HPSE2: variants seen among roughly 807,000 people sequenced by gnomAD.
The protein encoded by HPSE2 is heparanase 2 (inactive), also known as inactive heparanase-2.
A neutral mutation model predicts 60.5 loss-of-function variants in HPSE2; 38 were observed. The observed-to-expected ratio is 0.63, with a 90% CI of 0.48 to 0.82. The LOEUF (loss-of-function observed/expected upper bound fraction) is 0.82. Among genes scored for constraint, HPSE2 ranks in the 40% least tolerant of loss-of-function variants. HPSE2 has a pLI of 0.00. For synonymous variants in HPSE2, 295 were observed against 293.2 expected, an observed-to-expected ratio of 1.01 and a Z score of -0.06; for missense variants, 713 against 740.4, an observed-to-expected ratio of 0.96 and a Z score of 0.43.
intron 3 of HPSE2, among the ~76,000 whole-genome samples, chr10:99,022,185 T>C (rs981856786): frequency 9.9e-5 from 15 of 151,636 alleles, no homozygotes; most frequent in African/African-American, 2.7e-4. Context: ...CTCTGGGCAC[T>C]AGGGGAGGAA....
At chr10:98,599,998 C>T (rs1435706729) in intron 9 of HPSE2, among the ~76,000 whole-genome samples, 1 of 152,134 alleles carries the variant, frequency 6.6e-6, no homozygotes, top group Non-Finnish European at 1.5e-5. Context: ...GGAATCTGAG[C>T]CGCTAACTAA....
chr10:99,280,601 A>C, the HPSE2 span, among the ~76,000 whole-genome samples: 1 of 152,186 alleles, frequency 6.6e-6, no homozygotes, highest in African/African-American at 2.4e-5. Context: ...CACAGTTTGA[A>C]GTATAAAAGC....
At chr10:98,878,564 T>G (rs1411669897) in intron 3 of HPSE2, among the ~76,000 whole-genome samples, 1 of 151,944 alleles carries the variant, frequency 6.6e-6, no homozygotes, top group Admixed American at 6.6e-5. Flanking sequence ...GAGATCCTAG[T>G]GTATCCTAGT....
intron 2 of HPSE2, among the ~76,000 whole-genome samples, chr10:99,147,548 A>G (rs1846101180): frequency 6.6e-6 from 1 of 152,192 alleles, no homozygotes; most frequent in South Asian, 2.1e-4. Flanking sequence ...TGATATCCTC[A>G]ACATCATTCC....
chr10:99,221,634 G>A (rs765939700), intron 2 of HPSE2, among the ~76,000 whole-genome samples: 2 of 152,184 alleles, frequency 1.3e-5, no homozygotes, highest in Non-Finnish European at 2.9e-5. Flanking sequence ...CTTGAGCAGG[G>A]CTTTGAAAAG....
intron 3 of HPSE2, among the ~76,000 whole-genome samples, chr10:98,841,275 A>G (rs1447775141): frequency 1.3e-5 from 2 of 152,128 alleles, no homozygotes; most frequent in East Asian, 1.9e-4. Flanking sequence ...AAAAACAACT[A>G]TAATACTTAC....
intron 3 of HPSE2, among the ~76,000 whole-genome samples, chr10:99,139,193 C>T (rs1367063485): frequency 6.6e-6 from 1 of 152,004 alleles, no homozygotes; most frequent in African/African-American, 2.4e-5. Context: ...AATGGAAAAC[C>T]AAATAATGTA....
chr10:98,668,245 A>C (rs968856444), intron 6 of HPSE2, among the ~76,000 whole-genome samples: 4 of 152,160 alleles, frequency 2.6e-5, no homozygotes, highest in Admixed American at 1.3e-4. Flanking sequence ...ATTACAAAAT[A>C]CTGCTGAAAG....
chr10:98,483,282 T>A (rs1016213160), intron 10 of HPSE2, among the ~76,000 whole-genome samples: 1 of 152,222 alleles, frequency 6.6e-6, no homozygotes, highest in African/African-American at 2.4e-5. Context: ...TCACAGAGAT[T>A]TTTTTCCATT....
intron 4 of HPSE2, among the ~76,000 whole-genome samples, chr10:98,728,198 AG>A (rs1208466989): frequency 6.6e-6 from 1 of 152,196 alleles, no homozygotes; most frequent in African/African-American, 2.4e-5. Flanking sequence ...TTTAAAAGAC[AG>A]TGCATAAAAC....
chr10:98,525,321 T>C (rs1308986322), intron 9 of HPSE2, among the ~76,000 whole-genome samples: 1 of 152,222 alleles, frequency 6.6e-6, no homozygotes, highest in East Asian at 1.9e-4. Flanking sequence ...TAACGGCACT[T>C]TTAAAATGTA....
chr10:99,130,585 G>A (rs960040059), intron 3 of HPSE2, among the ~76,000 whole-genome samples: 2 of 152,102 alleles, frequency 1.3e-5, no homozygotes, highest in Non-Finnish European at 2.9e-5. Context: ...AAATTCTCTT[G>A]GCCCCAAGGA....
intron 3 of HPSE2, among the ~76,000 whole-genome samples, chr10:99,112,095 G>A (rs1844485076): frequency 6.6e-6 from 1 of 152,170 alleles, no homozygotes; most frequent in African/African-American, 2.4e-5. Flanking sequence ...CCAAGTTTAT[G>A]AATGAGGAAG....
intron 5 of HPSE2, among the ~76,000 whole-genome samples, chr10:98,719,893 C>T (rs1170407992): frequency 2.6e-5 from 4 of 151,562 alleles, no homozygotes; most frequent in East Asian, 1.9e-4. Context: ...CCCAGCTACT[C>T]GGGAGGTTGA....
intron 2 of HPSE2, among the ~76,000 whole-genome samples, chr10:99,164,828 G>A (rs912264612): frequency 1.3e-5 from 2 of 152,122 alleles, no homozygotes; most frequent in Non-Finnish European, 2.9e-5. Flanking sequence ...GCTCACGCCT[G>A]TAATCCCAGC....
chr10:99,184,522 C>CCAAAAAA lies in HPSE2; in HGVS notation c.449-40124_449-40123insTTTTTTG, dbSNP rs1847899081. ...CCTGGGCAACAGAGCGAGACTGTCT[C>CCAAAAAA]AAAAAAAAAAAAAAAAAAAAAAAAA... On this transcript the variant is annotated intron_variant, in intron 2 of 11. Coordinates refer to ENST00000370552, the MANE Select transcript of HPSE2 (RefSeq NM_021828.5). Among the ~76,000 whole-genome samples, 6 of 60,788 alleles carry CCAAAAAA rather than the reference C, an allele frequency of 9.9e-5. 1 individual carries two copies. The highest frequency in any genetic ancestry group is 6.1e-4 in the African/African-American group (5 of 8,248). The allele number at this position is 60,788 out of a possible 152,430, so 39.9% of individuals were successfully genotyped here.
intron 7 of HPSE2, among the ~76,000 whole-genome samples, chr10:98,628,273 C>T (rs1946270590): frequency 6.6e-6 from 1 of 152,000 alleles, no homozygotes; most frequent in Non-Finnish European, 1.5e-5. Context: ...TGGTTGGGTC[C>T]AGGAAGGAAA....
chr10:98,934,457 G>A (rs191784999), intron 3 of HPSE2, among the ~76,000 whole-genome samples: 1 of 144,560 alleles, frequency 6.9e-6, no homozygotes, highest in East Asian at 2.0e-4. Flanking sequence ...AGGAGCTCTT[G>A]CCAGGCAGGC....
chr10:99,284,027 T>C, the HPSE2 span, among the ~76,000 whole-genome samples: 2 of 152,170 alleles, frequency 1.3e-5, no homozygotes, highest in Admixed American at 1.3e-4. Context: ...TTACTCACTC[T>C]ACAAGGCCAC....
Sources: gnomAD v4.1 joint callset for allele counts (sites outside exome capture counted in the v4.1 genomes callset) on GRCh38, gnomAD v4.1.1 for gene constraint, MANE v1.5 for transcripts, NCBI Gene and HGNC (gene_info 2026-07-23, HGNC 2026-07-21) for gene names.